LRRTM4: variants seen among roughly 807,000 people sequenced by gnomAD.
The protein encoded by LRRTM4 is leucine rich repeat transmembrane neuronal 4.
LRRTM4 carries 25 observed loss-of-function variants against 47.6 expected under a neutral mutation model. The ratio of observed to expected loss-of-function variants is 0.53; its 90% CI spans 0.38 to 0.73. The LOEUF (loss-of-function observed/expected upper bound fraction) is 0.73. Ranked by LOEUF, LRRTM4 falls within the 30% of genes least tolerant of loss-of-function variation. LRRTM4 has a pLI of 0.00. For missense variants in LRRTM4, 638 were observed against 713.4 expected (o/e 0.89, Z 1.20); for synonymous variants, 311 against 269.5 (o/e 1.15, Z -1.51).
intron 3 of LRRTM4, among the ~76,000 whole-genome samples, chr2:76,945,275 C>A (rs572764880): frequency 1.3e-5 from 2 of 152,192 alleles, no homozygotes; most frequent in East Asian, 3.9e-4. Flanking sequence ...CTAAATGACA[C>A]TCTTCATATT....
At chr2:77,247,686 T>C (rs1358886897) in intron 3 of LRRTM4, among the ~76,000 whole-genome samples, 1 of 151,968 alleles carries the variant, frequency 6.6e-6, no homozygotes, top group Non-Finnish European at 1.5e-5. Context: ...TGCTAAGAGG[T>C]TGGAGAGAAA....
At chr2:77,042,170 T>G (rs1679056796) in intron 3 of LRRTM4, among the ~76,000 whole-genome samples, 1 of 151,542 alleles carries the variant, frequency 6.6e-6, no homozygotes, top group Admixed American at 6.6e-5. Context: ...TTTTTGAGAA[T>G]TACACTATGA....
chr2:76,995,044 T>C (rs1677149902), intron 3 of LRRTM4, among the ~76,000 whole-genome samples: 1 of 152,136 alleles, frequency 6.6e-6, no homozygotes, highest in African/African-American at 2.4e-5. Context: ...GTCTGTCTTA[T>C]TATAAGACTT....
chr2:77,175,037 G>A (rs1673154052), intron 3 of LRRTM4, among the ~76,000 whole-genome samples: 1 of 151,176 alleles, frequency 6.6e-6, no homozygotes, highest in African/African-American at 2.4e-5. Context: ...AGTTTCAAAT[G>A]CTAGTTAAGA....
intron 3 of LRRTM4, among the ~76,000 whole-genome samples, chr2:77,329,083 T>C (rs1223217702): frequency 6.6e-6 from 1 of 152,178 alleles, no homozygotes; most frequent in African/African-American, 2.4e-5. Flanking sequence ...GAGCTTACAG[T>C]ACTTAAGATA....
chr2:77,472,237 ATG>A (rs944380932), intron 3 of LRRTM4, among the ~76,000 whole-genome samples: 1 of 152,164 alleles, frequency 6.6e-6, no homozygotes, highest in Non-Finnish European at 1.5e-5. Context: ...CGGAGAAAAT[ATG>A]TGTGTTAGGT....
At chr2:77,065,727 C>A (rs1228608743) in intron 3 of LRRTM4, among the ~76,000 whole-genome samples, 2 of 152,108 alleles carry the variant, frequency 1.3e-5, no homozygotes, top group African/African-American at 4.8e-5. Flanking sequence ...CTGGTCCAAG[C>A]CAGGAGCCTT....
chr2:76,997,027 G>A (rs542001134), intron 3 of LRRTM4, among the ~76,000 whole-genome samples: 1 of 152,212 alleles, frequency 6.6e-6, no homozygotes, highest in East Asian at 1.9e-4. Context: ...AAAGGACAGG[G>A]TGTTGTCAAG....
chr2:77,415,439 G>C (rs1339911741), intron 3 of LRRTM4, among the ~76,000 whole-genome samples: 1 of 152,000 alleles, frequency 6.6e-6, no homozygotes. Flanking sequence ...TAACTATCAA[G>C]ATTTCTTACT....
intron 3 of LRRTM4, among the ~76,000 whole-genome samples, chr2:77,015,691 G>A (rs1678041278): frequency 6.6e-6 from 1 of 152,060 alleles, no homozygotes; most frequent in South Asian, 2.1e-4. Context: ...AAATGACCAA[G>A]AGACACTCTT....
At chr2:76,889,208 G>T (rs912626119) in intron 3 of LRRTM4, among the ~76,000 whole-genome samples, 1 of 151,828 alleles carries the variant, frequency 6.6e-6, no homozygotes, top group African/African-American at 2.4e-5. Context: ...GTGTTATCTT[G>T]ATCGCCATTT....
chr2:77,372,661 T>C (rs200864413), intron 3 of LRRTM4, among the ~76,000 whole-genome samples: 37 of 151,802 alleles, frequency 2.4e-4, no homozygotes, highest in East Asian at 1.8e-3. Flanking sequence ...ATTAATGGTG[T>C]TTTCTTCACT....
intron 3 of LRRTM4, among the ~76,000 whole-genome samples, chr2:77,290,473 C>T (rs773951905): frequency 6.6e-6 from 1 of 151,612 alleles, no homozygotes; most frequent in Non-Finnish European, 1.5e-5. Context: ...AAGGATAAGA[C>T]CTAATGTTTG....
At chr2:77,016,370 G>A (rs1481661412) in intron 3 of LRRTM4, among the ~76,000 whole-genome samples, 6 of 145,730 alleles carry the variant, frequency 4.1e-5, no homozygotes, top group African/African-American at 1.6e-4. Flanking sequence ...GGCGACAGAG[G>A]GAGAACTCCA....
At chr2:76,899,036 C>T (rs115389945) in intron 3 of LRRTM4, among the ~76,000 whole-genome samples, 4 of 151,816 alleles carry the variant, frequency 2.6e-5, no homozygotes, top group African/African-American at 9.6e-5. Context: ...ATGAGCAAAG[C>T]GTGTTGTAAA....
intron 3 of LRRTM4, among the ~76,000 whole-genome samples, chr2:76,822,688 C>T (rs1419310400): frequency 6.6e-6 from 1 of 151,484 alleles, no homozygotes; most frequent in Non-Finnish European, 1.5e-5. Context: ...TTAGTTAATA[C>T]TTTGCAGAAA....
At chr2:76,960,222 C>T (rs1308173032) in intron 3 of LRRTM4, among the ~76,000 whole-genome samples, 1 of 151,396 alleles carries the variant, frequency 6.6e-6, no homozygotes, top group Admixed American at 6.6e-5. Flanking sequence ...ACAGCTATCT[C>T]GTGGAAAAAA....
chr2:77,250,957 G>T (rs1432537595), intron 3 of LRRTM4, among the ~76,000 whole-genome samples: 2 of 151,840 alleles, frequency 1.3e-5, no homozygotes, highest in African/African-American at 2.4e-5. Context: ...TGCAAAATCA[G>T]CTGGGCATGG....
At chr2:77,315,509 C>T (rs929408593) in intron 3 of LRRTM4, among the ~76,000 whole-genome samples, 2 of 152,006 alleles carry the variant, frequency 1.3e-5, no homozygotes, top group African/African-American at 4.8e-5. Context: ...TAAAATACAG[C>T]TTTTAAAAAT....
Sources: allele counts gnomAD v4.1 joint callset (sites outside exome capture counted in the v4.1 genomes callset), GRCh38; gene constraint gnomAD v4.1.1; transcripts MANE v1.5; gene names NCBI Gene and HGNC (gene_info 2026-07-23, HGNC 2026-07-21).